Variants in TESMIN observed in about 807,000 individuals in gnomAD.
The protein encoded by TESMIN is CXC domain containing 2.
In TESMIN, 34 loss-of-function variants were observed where a neutral mutation model predicts 47.4. The observed-to-expected ratio is 0.72, with a 90% CI of 0.55 to 0.96. TESMIN has a LOEUF of 0.96. Ranked by LOEUF, TESMIN falls within the 40% of genes least tolerant of loss-of-function variation. The pLI is 0.00. For synonymous variants in TESMIN, 278 were observed against 258.9 expected, an observed-to-expected ratio of 1.07 and a Z score of -0.71; for missense variants, 610 against 637.2, an observed-to-expected ratio of 0.96 and a Z score of 0.46.
intron 6 of TESMIN, among the ~76,000 whole-genome samples, chr11:68,716,284 C>T (rs897991425): frequency 3.3e-5 from 5 of 152,208 alleles, no homozygotes; most frequent in Non-Finnish European, 7.4e-5. Context: ...GTTTGGTGGG[C>T]AGAAACATCA....
chr11:68,716,013 G>A (rs1946134287), intron 6 of TESMIN, 74 bp from the exon 7 acceptor site: 1 of 991,610 alleles, frequency 1.0e-6, no homozygotes, highest in Non-Finnish European at 1.6e-6. Flanking sequence ...GCACACACGT[G>A]TAAGGAAAGA....
rs193007056 is a variant in TESMIN at position 68,712,625 on chromosome 11, C to T, written c.1158+645G>A. Among the ~76,000 whole-genome samples the T allele has an allele frequency of 1.6e-4, 24 of 152,304 alleles. No individual in the cohort carries two copies. The East Asian group carries it at 3.1e-3, about 20-fold the overall frequency. On this transcript the variant is annotated intron_variant, in intron 8 of 9. Transcript: ENST00000255087. ...GAAATAGCAAAGAGAGGTGAAACTG[C>T]GACAGCACTGAAGGGGAAAGTGGGT...
At chr11:68,710,749 G>T in intron 9 of TESMIN, 125 bp downstream of exon 9, 1 of 942,180 alleles carries the variant, frequency 1.1e-6, no homozygotes, top group African/African-American at 1.7e-5. Flanking sequence ...ACTTCCCTCT[G>T]CCCCCAAACA....
At position 68,736,498 on chromosome 11, in the gene TESMIN, C is replaced by T. The variant is rs1460261394; in HGVS notation, c.917+2202G>A. 8 of 985,454 alleles carry T rather than the reference C, an allele frequency of 8.1e-6. No individual in the cohort carries two copies. In the African/African-American group the frequency reaches 1.0e-4, roughly 13 times the overall value. 61.0% of individuals were successfully genotyped at this position (985,454 alleles called of 1,614,324 possible). A position where few individuals can be genotyped will look rare whatever the true frequency, so the allele number is the denominator to read the frequency against. On this transcript the variant is annotated intron_variant, in intron 6 of 9. Transcript: ENST00000255087. ...AAATAACCAGCAAAACGTTCTCTGA[C>T]TGCTTTCTTACCACCAAAAATAAAT...
At chr11:68,708,560 T>A (rs1442130924) in intron 9 of TESMIN, 60 bp from the exon 10 acceptor site, 4 of 1,379,960 alleles carry the variant, frequency 2.9e-6, no homozygotes, top group African/African-American at 2.9e-5. Flanking sequence ...CCTACAGTAC[T>A]ATTTATATTC....
At chr11:68,718,884 C>G (rs1178957866) in intron 6 of TESMIN, among the ~76,000 whole-genome samples, 1 of 152,190 alleles carries the variant, frequency 6.6e-6, no homozygotes, top group Non-Finnish European at 1.5e-5. Context: ...TCTAAATTAT[C>G]ATCTAAGCAT....
At chr11:68,747,510 G>C (rs1946537188) in intron 2 of TESMIN, 144 bp from the exon 3 acceptor site, 1 of 739,208 alleles carries the variant, frequency 1.4e-6, no homozygotes, top group East Asian at 2.7e-5. Flanking sequence ...CACACTCCCA[G>C]CTACCGGAGA....
intron 3 of TESMIN, among the ~76,000 whole-genome samples, chr11:68,746,372 A>C (rs1293787859): frequency 2.0e-5 from 3 of 152,196 alleles, no homozygotes; most frequent in South Asian, 4.1e-4. Flanking sequence ...AAAAACTGCT[A>C]TCAGAACCCA....
At chr11:68,707,306 A>C (rs1466453106), downstream of TESMIN, 1 of 153,890 alleles carries the variant, frequency 6.5e-6, no homozygotes, top group Non-Finnish European at 1.4e-5. Context: ...TTTGTACTTG[A>C]GTTTCCTGAA....
chr11:68,734,729 G>A (rs370025856), intron 6 of TESMIN, among the ~76,000 whole-genome samples: 40 of 152,306 alleles, frequency 2.6e-4, no homozygotes, highest in South Asian at 4.1e-4. Flanking sequence ...CACACAGTCC[G>A]TGCTTGCTGT....
chr11:68,706,022 C>CAAAAAAAA (rs11306603), downstream of TESMIN, among the ~76,000 whole-genome samples: 1 of 84,440 alleles, frequency 1.2e-5, no homozygotes, highest in Non-Finnish European at 2.3e-5. Flanking sequence ...GACTCCGTCT[C>CAAAAAAAA]AAAAAAAAAA....
intron 6 of TESMIN, chr11:68,736,337 A>G (rs1946386800): frequency 1.0e-6 from 1 of 985,370 alleles, no homozygotes; most frequent in Admixed American, 6.1e-5. Flanking sequence ...AACCCTAACA[A>G]ATGACCATCG....
At chr11:68,750,742 G>A (rs909434232) in intron 1 of TESMIN, 43 bp from the exon 2 acceptor site, 9 of 936,268 alleles carry the variant, frequency 9.6e-6, no homozygotes, top group Middle Eastern at 3.8e-4. Flanking sequence ...AGGAGAGGAC[G>A]AGGGGAGGGG....
chr11:68,735,239 G>C (rs1344254193), intron 6 of TESMIN, among the ~76,000 whole-genome samples: 7 of 152,164 alleles, frequency 4.6e-5, no homozygotes, highest in South Asian at 2.1e-4. Context: ...CTGTTCAGAG[G>C]GGGGGCTCTG....
intron 6 of TESMIN, among the ~76,000 whole-genome samples, chr11:68,731,248 C>T (rs1395763175): frequency 6.6e-6 from 1 of 151,970 alleles, no homozygotes; most frequent in Non-Finnish European, 1.5e-5. Flanking sequence ...CGATTTTTAC[C>T]CATGCCATCG....
intron 6 of TESMIN, chr11:68,733,625 T>A (rs989337259): frequency 1.3e-5 from 2 of 152,232 alleles, no homozygotes; most frequent in Non-Finnish European, 2.9e-5. Context: ...TATTTCATAT[T>A]TAATAATGAA....
At chr11:68,708,880 G>C (rs780371984) in intron 9 of TESMIN, among the ~76,000 whole-genome samples, 6 of 151,894 alleles carry the variant, frequency 4.0e-5, no homozygotes, top group Non-Finnish European at 4.4e-5. Flanking sequence ...AGCCTCCTGA[G>C]TAGCTGGGAT....
At chr11:68,717,007 A>C (rs1453695033) in intron 6 of TESMIN, among the ~76,000 whole-genome samples, 2 of 152,220 alleles carry the variant, frequency 1.3e-5, no homozygotes, top group Non-Finnish European at 2.9e-5. Context: ...CGTGGTGCTC[A>C]GCCTCCCAGT....
intron 3 of TESMIN, 36 bp downstream of exon 3, chr11:68,747,169 TATA>T (rs1434386449): frequency 1.3e-6 from 2 of 1,591,022 alleles, no homozygotes; most frequent in African/African-American, 2.7e-5. Flanking sequence ...CAGCATTTAG[TATA>T]ATGTTAGTCC....
Sources: gnomAD v4.1 joint callset for allele counts (sites outside exome capture counted in the v4.1 genomes callset) on GRCh38, gnomAD v4.1.1 for gene constraint, MANE v1.5 for transcripts, NCBI Gene and HGNC (gene_info 2026-07-23, HGNC 2026-07-21) for gene names.